The following MOB4 variants were observed in gnomAD, a reference collection of about 807,000 sequenced individuals.
MOB4 encodes the protein MOB family member 4, phocein.
In MOB4, 4 loss-of-function variants were observed where a neutral mutation model predicts 32.2. The observed-to-expected ratio is 0.12, with a 90% confidence interval of 0.06 to 0.28. The LOEUF (loss-of-function observed/expected upper bound fraction) is 0.28, where lower values mean the gene tolerates loss of function less well. Among genes scored for constraint, MOB4 ranks in the 10% least tolerant of loss-of-function variants. The probability of loss-of-function intolerance (pLI) is 1.00; values close to 1 mark genes in which losing one functional copy is unlikely to be tolerated. For missense variants in MOB4, 158 were observed against 271.2 expected, an observed-to-expected ratio of 0.58 and a Z score of 2.93; for synonymous variants, 88 against 88.1, an observed-to-expected ratio of 1.00 and a Z score of 0.01.
In MOB4 at chr2:197,540,376, C is replaced by G; in HGVS notation, c.293C>G (p.Thr98Ser). The change falls in exon 5 of 8, where the codon ACT (threonine) becomes AGT (serine). Residue 98 changes from threonine (T) to serine (S), a missense_variant. Thr to Ser is a moderately conservative substitution (Grantham distance 58, BLOSUM62 1). This residue lies in a region of MOB4 where 21 missense variants were observed against 19.8 expected (regional missense o/e 1.06). Transcript: ENST00000323303. ...AGTGAATGCCATCCAGATACTTGCA[C>G]TCAAATGACAGCAACTGAACAATGG... ...LQSECHPDTC[T>S]QMTATEQWIF... The G allele has an allele frequency of 6.3e-7, 1 of 1,589,530 alleles. No homozygotes were observed. The highest frequency in any genetic ancestry group is 1.2e-5 in the South Asian group (1 of 84,690).
intron 2 of MOB4, among the ~76,000 whole-genome samples, chr2:197,532,700 T>G (rs575992960): frequency 6.7e-6 from 1 of 149,488 alleles, no homozygotes; most frequent in East Asian, 2.0e-4. Context: ...AAAAAATAAG[T>G]AAATAAAAGT....
chr2:197,537,511 G>T (rs2086821434), intron 3 of MOB4, among the ~76,000 whole-genome samples: 1 of 152,124 alleles, frequency 6.6e-6, no homozygotes, highest in Admixed American at 6.5e-5. Context: ...TTTTGATGCT[G>T]CATGCTTCTT....
chr2:197,540,017 A>T (rs2086870102), intron 3 of MOB4, 94 bp from the exon 4 acceptor site: 3 of 1,344,450 alleles, frequency 2.2e-6, no homozygotes, highest in Non-Finnish European at 3.0e-6. Flanking sequence ...GGGAGGAGGG[A>T]TGATACTGAT....
chr2:197,519,539 T>C (rs2086477485), intron 1 of MOB4, among the ~76,000 whole-genome samples: 1 of 152,234 alleles, frequency 6.6e-6, no homozygotes, highest in Admixed American at 6.5e-5. Flanking sequence ...GTTCTGTAAA[T>C]AGTTGTTATA....
chr2:197,530,280 T>A (rs572808204), intron 2 of MOB4, among the ~76,000 whole-genome samples: 2 of 151,620 alleles, frequency 1.3e-5, no homozygotes, highest in East Asian at 3.9e-4. Context: ...TATTTTTATT[T>A]TTTTTTGAGA....
intron 5 of MOB4, 57 bp from the exon 6 acceptor site, chr2:197,548,279 T>C: frequency 6.8e-7 from 1 of 1,480,120 alleles, no homozygotes; most frequent in South Asian, 1.2e-5. Context: ...ATAATGAATA[T>C]ATCTAACTTA....
chr2:197,531,172 C>T (rs1195425770), intron 2 of MOB4, among the ~76,000 whole-genome samples: 2 of 151,482 alleles, frequency 1.3e-5, no homozygotes, highest in African/African-American at 2.4e-5. Context: ...CTCAGCCTGC[C>T]GAGTAGCTGG....
At chr2:197,537,744 AT>A (rs2086826890) in intron 3 of MOB4, among the ~76,000 whole-genome samples, 1 of 152,078 alleles carries the variant, frequency 6.6e-6, no homozygotes, top group African/African-American at 2.4e-5. Flanking sequence ...CCTTTGCTTT[AT>A]TTTTATCAGC....
intron 2 of MOB4, chr2:197,534,032 TC>T: frequency 4.4e-6 from 2 of 453,274 alleles, no homozygotes; most frequent in Non-Finnish European, 8.5e-6. Flanking sequence ...TGTCACCATA[TC>T]AAGCTGAAAA....
intron 3 of MOB4, among the ~76,000 whole-genome samples, 189 bp from the exon 4 acceptor site, chr2:197,539,922 G>A (rs969007772): frequency 1.3e-5 from 2 of 152,154 alleles, no homozygotes; most frequent in African/African-American, 4.8e-5. Context: ...ATGTTATGAG[G>A]GTTATTGGTT....
intron 1 of MOB4, among the ~76,000 whole-genome samples, chr2:197,523,052 A>G (rs1268664388): frequency 6.6e-6 from 1 of 151,932 alleles, no homozygotes; most frequent in Non-Finnish European, 1.5e-5. Context: ...GGAGCAGTAA[A>G]TTAGCTACTA....
Position 197,535,514 on chromosome 2 carries a change from A to G in MOB4, c.124-16A>G. The G allele has an allele frequency of 6.3e-7, 1 of 1,578,636 alleles. No homozygotes were observed. Among genetic ancestry groups the G allele is most frequent in the Non-Finnish European group, 8.6e-7 (1 of 1,167,074 alleles). On this transcript the variant is annotated splice_polypyrimidine_tract_variant and intron_variant, in intron 2 of 7. Coordinates refer to ENST00000323303, the MANE Select transcript of MOB4 (RefSeq NM_015387.5). ...TGATATAATTTAATTAACCATAAGA[A>G]CTTCTTTGTTTTTAGTATATTCAAC...
At chr2:197,533,096 C>G (rs2086735485) in intron 2 of MOB4, among the ~76,000 whole-genome samples, 3 of 151,802 alleles carry the variant, frequency 2.0e-5, no homozygotes, top group Admixed American at 1.3e-4. Flanking sequence ...GAGACTCTAT[C>G]TCAAAAACAA....
intron 5 of MOB4, among the ~76,000 whole-genome samples, chr2:197,545,685 CTTA>C (rs1220551071): frequency 6.6e-6 from 1 of 152,124 alleles, no homozygotes; most frequent in African/African-American, 2.4e-5. Flanking sequence ...CAAAATGCCA[CTTA>C]TTATATTATT....
At chr2:197,549,804 G>A (rs2087063047) in intron 6 of MOB4, among the ~76,000 whole-genome samples, 1 of 149,274 alleles carries the variant, frequency 6.7e-6, no homozygotes, top group Non-Finnish European at 1.5e-5. Flanking sequence ...ACCTGCCTTG[G>A]CCTCCCAAAG....
At chr2:197,524,199 A>T (rs2086569076) in intron 2 of MOB4, among the ~76,000 whole-genome samples, 1 of 152,132 alleles carries the variant, frequency 6.6e-6, no homozygotes, top group African/African-American at 2.4e-5. Flanking sequence ...GTGCCACTGT[A>T]CTTCAACCTG....
At chr2:197,530,211 A>G (rs2086676271) in intron 2 of MOB4, among the ~76,000 whole-genome samples, 1 of 150,536 alleles carries the variant, frequency 6.6e-6, no homozygotes, top group Non-Finnish European at 1.5e-5. Flanking sequence ...CTTGTGATCC[A>G]CCCTCCTCGG....
rs374252620 is a variant in MOB4 at position 197,548,429 on chromosome 2, T to A, written c.434+14T>A. ...TTTTCCCAGCAGGTAATCGAAACTT[T>A]TAAACATAGTGTTAAACATTTTAGA... is the stretch of plus-strand genomic sequence containing the variant. On this transcript the variant is annotated intron_variant, in intron 6 of 7. Transcript: ENST00000323303. The A allele has an allele frequency of 3.2e-6, 5 of 1,577,120 alleles. No individual in the cohort carries two copies. The East Asian group carries it at 9.4e-5, about 30-fold the overall frequency.
intron 2 of MOB4, among the ~76,000 whole-genome samples, chr2:197,525,980 A>G (rs2086605504): frequency 6.6e-6 from 1 of 152,192 alleles, no homozygotes; most frequent in Non-Finnish European, 1.5e-5. Flanking sequence ...TCTACATACG[A>G]GACCCATGTC....
Sources: gnomAD v4.1 joint callset for allele counts (sites outside exome capture counted in the v4.1 genomes callset) on GRCh38, gnomAD v4.1.1 for gene constraint, gnomAD v4.1.1 regional missense constraint, MANE v1.5 for transcripts, NCBI Gene and HGNC (gene_info 2026-07-23, HGNC 2026-07-21) for gene names.